The following ATP10B variants were observed in gnomAD, a reference collection of about 807,000 sequenced individuals.
ATP10B encodes the protein ATPase phospholipid transporting 10B (putative), also known as phospholipid-transporting ATPase VB.
Under a neutral mutation model 141.2 loss-of-function variants are expected in ATP10B, and 122 were observed. The ratio of observed to expected loss-of-function variants is 0.86; its 90% confidence interval spans 0.75 to 1.00. ATP10B has a LOEUF of 1.00. Ranked by LOEUF, ATP10B falls within the 50% of genes least tolerant of loss-of-function variation. The pLI, the probability that ATP10B is intolerant of heterozygous loss-of-function variation, is 0.00. For missense variants in ATP10B, 1,876 were observed against 1,825.3 expected, an observed-to-expected ratio of 1.03 and a Z score of -0.51; for synonymous variants, 685 against 692.0, an observed-to-expected ratio of 0.99 and a Z score of 0.16.
intron 11 of ATP10B, among the ~76,000 whole-genome samples, chr5:160,634,894 C>G (rs1028086912): frequency 6.6e-6 from 1 of 152,198 alleles, no homozygotes; most frequent in Non-Finnish European, 1.5e-5. Context: ...AGTCCTCTGA[C>G]TCCCTTTAGA....
chr5:160,763,639 T>G (rs66463535), intron 2 of ATP10B, among the ~76,000 whole-genome samples: 1 of 151,862 alleles, frequency 6.6e-6, no homozygotes, highest in Non-Finnish European at 1.5e-5. Flanking sequence ...AATCTAGGGT[T>G]ACACCTCAGG....
chr5:160,718,939 A>G (rs1765818054), intron 2 of ATP10B, among the ~76,000 whole-genome samples: 1 of 152,244 alleles, frequency 6.6e-6, no homozygotes, highest in South Asian at 2.1e-4. Flanking sequence ...CTGTCCCGGC[A>G]CATAGCACAA....
chr5:160,877,901 G>A, the ATP10B span, among the ~76,000 whole-genome samples: 1 of 150,372 alleles, frequency 6.7e-6, no homozygotes. Flanking sequence ...ACAAATGGAA[G>A]AACATTCCAT....
chr5:160,787,351 C>G (rs1771245414), intron 1 of ATP10B, among the ~76,000 whole-genome samples: 1 of 152,140 alleles, frequency 6.6e-6, no homozygotes, highest in Non-Finnish European at 1.5e-5. Flanking sequence ...TCCTCCTTTA[C>G]TCACTTCTGC....
At chr5:160,872,264 A>G in the ATP10B span, among the ~76,000 whole-genome samples, 1 of 151,936 alleles carries the variant, frequency 6.6e-6, no homozygotes, top group Non-Finnish European at 1.5e-5. Flanking sequence ...TTCATTGTTG[A>G]TTCTGGATAT....
chr5:160,736,471 G>T (rs1317117658), intron 2 of ATP10B, among the ~76,000 whole-genome samples: 1 of 152,094 alleles, frequency 6.6e-6, no homozygotes, highest in Non-Finnish European at 1.5e-5. Flanking sequence ...ATAATAAAAA[G>T]TCTACTAGTA....
the ATP10B span, among the ~76,000 whole-genome samples, chr5:160,889,219 A>G: frequency 6.6e-6 from 1 of 152,154 alleles, no homozygotes; most frequent in Non-Finnish European, 1.5e-5. Context: ...GCCTTCCAAC[A>G]TTCCTCATTG....
chr5:160,816,555 C>A (rs1023501635), intron 1 of ATP10B, among the ~76,000 whole-genome samples: 3 of 152,132 alleles, frequency 2.0e-5, no homozygotes, highest in Non-Finnish European at 1.5e-5. Flanking sequence ...GGATTCACAG[C>A]CGAATTCTAC....
intron 24 of ATP10B, among the ~76,000 whole-genome samples, chr5:160,587,602 C>T (rs1406796042): frequency 1.3e-5 from 2 of 152,250 alleles, no homozygotes; most frequent in East Asian, 3.9e-4. Context: ...TCTTTTATTT[C>T]CTTGACCAGT....
At chr5:160,626,981 G>A (rs758199329) in intron 13 of ATP10B, among the ~76,000 whole-genome samples, 2 of 152,096 alleles carry the variant, frequency 1.3e-5, no homozygotes, top group Non-Finnish European at 2.9e-5. Context: ...ATCCTTCATG[G>A]CATAGTTCCT....
At chr5:160,596,648 T>C (rs1165386858) in intron 22 of ATP10B, among the ~76,000 whole-genome samples, 2 of 150,784 alleles carry the variant, frequency 1.3e-5, no homozygotes, top group South Asian at 2.1e-4. Context: ...AAAACCCCAT[T>C]GTCTCAGCCC....
intron 2 of ATP10B, among the ~76,000 whole-genome samples, chr5:160,774,709 A>C (rs1385096608): frequency 1.3e-5 from 2 of 152,206 alleles, no homozygotes; most frequent in Admixed American, 1.3e-4. Flanking sequence ...ATACAAATCT[A>C]GTCTCTGTAT....
chr5:160,895,491 A>G, the ATP10B span, among the ~76,000 whole-genome samples: 3 of 152,250 alleles, frequency 2.0e-5, no homozygotes, highest in Non-Finnish European at 2.9e-5. Flanking sequence ...TGCAACAAGA[A>G]GAGCTAACTA....
chr5:160,793,774 A>G (rs964537524), intron 1 of ATP10B, among the ~76,000 whole-genome samples: 1 of 152,224 alleles, frequency 6.6e-6, no homozygotes, highest in African/African-American at 2.4e-5. Context: ...AGCTCCATTC[A>G]TGGTAAGCAC....
chr5:160,707,306 C>T (rs1009841876), intron 3 of ATP10B, among the ~76,000 whole-genome samples: 2 of 152,196 alleles, frequency 1.3e-5, no homozygotes, highest in Non-Finnish European at 2.9e-5. Context: ...AGTCACACTT[C>T]TTCTGACTCT....
intron 1 of ATP10B, among the ~76,000 whole-genome samples, chr5:160,825,418 T>G (rs4549570): frequency 0.75 from 114,801 of 152,102 alleles, 44,393 homozygotes; most frequent in East Asian, 0.97. Context: ...AAACCCTTTC[T>G]CTTGGCTCCT....
chr5:160,926,724 C>A, the ATP10B span, among the ~76,000 whole-genome samples: 1 of 152,246 alleles, frequency 6.6e-6, no homozygotes, highest in African/African-American at 2.4e-5. Flanking sequence ...ATACTTCTCT[C>A]TGCAAAGCAA....
chr5:160,900,127 T>A, the ATP10B span, among the ~76,000 whole-genome samples: 1 of 152,134 alleles, frequency 6.6e-6, no homozygotes, highest in East Asian at 1.9e-4. Context: ...GCCATCCCAG[T>A]CACCTCTCCT....
the ATP10B span, among the ~76,000 whole-genome samples, chr5:160,870,419 A>C: frequency 8.4e-4 from 127 of 151,096 alleles, no homozygotes; most frequent in Middle Eastern, 3.4e-3. Context: ...TAAAAAAAAA[A>C]CCCCACAATT....
Sources: allele counts gnomAD v4.1 joint callset (sites outside exome capture counted in the v4.1 genomes callset), GRCh38; gene constraint gnomAD v4.1.1; transcripts MANE v1.5; gene names NCBI Gene and HGNC (gene_info 2026-07-23, HGNC 2026-07-21).